HSP90AA1: variants seen among roughly 807,000 people sequenced by gnomAD.
HSP90AA1 encodes the protein heat shock protein 90 alpha family class A member 1.
In HSP90AA1, 18 loss-of-function variants were observed where a neutral mutation model predicts 73.3. The observed-to-expected ratio is 0.25, with a 90% CI of 0.17 to 0.36. HSP90AA1 has a LOEUF of 0.36. HSP90AA1 is among the 10% of genes least tolerant of loss of function. HSP90AA1 has a pLI of 1.00. For missense variants in HSP90AA1, 704 were observed against 874.2 expected, an observed-to-expected ratio of 0.81 and a Z score of 2.45; for synonymous variants, 477 against 296.9, an observed-to-expected ratio of 1.61 and a Z score of -6.24.
At chr14:102,088,698 A>T (rs2049306988), upstream of HSP90AA1, among the ~76,000 whole-genome samples, 1 of 152,018 alleles carries the variant, frequency 6.6e-6, no homozygotes, top group South Asian at 2.1e-4. Context: ...CGGAAGCAGG[A>T]AGAGCGGTGA....
chr14:102,089,287 C>T (rs970932918), upstream of HSP90AA1, among the ~76,000 whole-genome samples: 4 of 152,198 alleles, frequency 2.6e-5, no homozygotes, highest in Non-Finnish European at 5.9e-5. Context: ...AGTGAACCTG[C>T]TCCAAAGCCC....
At chr14:102,084,118 G>T in intron 6 of HSP90AA1, 135 bp from the exon 7 acceptor site, 1 of 799,582 alleles carries the variant, frequency 1.3e-6, no homozygotes, top group East Asian at 2.7e-5. Flanking sequence ...TGCCCAGGCT[G>T]GAGGGCAGTG....
intron 1 of HSP90AA1, among the ~76,000 whole-genome samples, chr14:102,130,142 T>C (rs2049890646): frequency 6.6e-6 from 1 of 152,006 alleles, no homozygotes; most frequent in Non-Finnish European, 1.5e-5. Flanking sequence ...GGCTAATTTT[T>C]GTATTTTTAG....
At chr14:102,082,956 G>T in intron 9 of HSP90AA1, 78 bp downstream of exon 9, 1 of 1,411,472 alleles carries the variant, frequency 7.1e-7, no homozygotes, top group Non-Finnish European at 1.0e-6. Context: ...TTGAAAACAT[G>T]CGAAAATGGG....
intron 1 of HSP90AA1, chr14:102,139,242 C>G (rs778266195): frequency 8.7e-6 from 14 of 1,613,990 alleles, no homozygotes; most frequent in African/African-American, 1.3e-5. Context: ...TCTTGAGTCC[C>G]TTGGTACCTT....
intron 2 of HSP90AA1, among the ~76,000 whole-genome samples, chr14:102,100,050 T>C (rs2049473682): frequency 6.6e-6 from 1 of 151,890 alleles, no homozygotes; most frequent in Non-Finnish European, 1.5e-5. Context: ...AGCCAGGCAG[T>C]GGTGGCATGC....
Position 102,081,566 on chromosome 14 carries a change from G to T in HSP90AA1, c.*146C>A. 3.0e-6 allele frequency: 2 copies of T among 660,948 alleles called. No individual in the cohort carries two copies. Among genetic ancestry groups the T allele is most frequent in the Non-Finnish European group, 5.5e-6 (2 of 364,756 alleles). The allele number at this position is 660,948 out of a possible 1,614,324, so 40.9% of individuals were successfully genotyped here. A position where few individuals can be genotyped will look rare whatever the true frequency, so the allele number is the denominator to read the frequency against. ...TAAGGTATCACAGCATCACTTAGTA[G>T]ACAGAAATCTTATCTTCCCCTTAAA... On this transcript the variant is annotated 3_prime_UTR_variant, in exon 11 of 11. Coordinates refer to ENST00000216281, the MANE Select transcript of HSP90AA1 (RefSeq NM_005348.4).
rs1484952511 is a variant in HSP90AA1, at chr14:102,083,263, TC to T, written c.1525del (p.Glu509AsnfsTer8). On this transcript the variant is annotated frameshift_variant, in exon 9 of 11. Transcript: ENST00000216281. LOFTEE classifies it high-confidence loss of function. ...TTCTAAGCCATGTTTCCGAAGACGT[TC>T]CACAAAGGCTGAGTTAGCTACCTGG... ...KDQVANSAFV[E>X]RLRKHGLEVI... The T allele has an allele frequency of 6.2e-7, 1 of 1,614,042 alleles. No homozygotes were observed. The highest frequency in any genetic ancestry group is 8.5e-7 in the Non-Finnish European group (1 of 1,180,004).
intron 1 of HSP90AA1, among the ~76,000 whole-genome samples, chr14:102,104,624 G>A (rs2049538771): frequency 1.3e-5 from 2 of 152,198 alleles, no homozygotes; most frequent in Admixed American, 1.3e-4. Flanking sequence ...TTCCTGTCTT[G>A]TAACTATTTT....
intron 1 of HSP90AA1, among the ~76,000 whole-genome samples, chr14:102,126,291 CT>C: frequency 6.6e-6 from 1 of 152,080 alleles, no homozygotes; most frequent in East Asian, 1.9e-4. Context: ...GTTACCATAG[CT>C]CAGTAAGGGG....
intron 4 of HSP90AA1, 93 bp from the exon 5 acceptor site, chr14:102,085,091 A>C: frequency 6.3e-7 from 1 of 1,599,120 alleles, no homozygotes; most frequent in Non-Finnish European, 8.5e-7. Flanking sequence ...CCCAAGTCTA[A>C]ATTAGCCAAC....
intron 1 of HSP90AA1, among the ~76,000 whole-genome samples, chr14:102,135,651 T>G (rs909054102): frequency 2.0e-5 from 3 of 152,252 alleles, no homozygotes; most frequent in Non-Finnish European, 4.4e-5. Flanking sequence ...CCCGGAGCCC[T>G]GCCCCGCGGG....
intron 6 of HSP90AA1, 163 bp downstream of exon 6, chr14:102,084,236 G>A (rs774693927): frequency 4.2e-6 from 3 of 708,626 alleles, no homozygotes; most frequent in African/African-American, 3.6e-5. Flanking sequence ...AGTAGAGATG[G>A]GGTTTCACCA....
chr14:102,132,342 G>A (rs2049917827), intron 1 of HSP90AA1, among the ~76,000 whole-genome samples: 1 of 151,896 alleles, frequency 6.6e-6, no homozygotes, highest in South Asian at 2.1e-4. Flanking sequence ...ATTCCAGCCT[G>A]GCAAAAGAGC....
intron 9 of HSP90AA1, 24 bp from the exon 10 acceptor site, chr14:102,082,468 G>A (rs371874745): frequency 4.8e-4 from 750 of 1,569,742 alleles, no homozygotes; most frequent in Non-Finnish European, 6.2e-4. Context: ...GTGATGACTA[G>A]GAACCTAGAA....
rs1450283815 is a variant in HSP90AA1, at chr14:102,084,042, TA to T, written c.1148-60del. The stretch of plus-strand genomic sequence containing the variant: ...TTCCAAGGACAAAACTGGTACTATG[TA>T]AACTCCCAAAATCAAAGATAACCTG... On this transcript the variant is annotated intron_variant, in intron 6 of 10. Coordinates refer to ENST00000216281, the MANE Select transcript of HSP90AA1 (RefSeq NM_005348.4). The T allele has an allele frequency of 3.8e-5, 47 of 1,249,168 alleles. No individual in the cohort carries two copies. The Admixed American group carries it at 8.3e-4, about 22-fold the overall frequency. 77.4% of individuals were successfully genotyped at this position (1,249,168 alleles called of 1,614,324 possible). A position where few individuals can be genotyped will look rare whatever the true frequency, so the allele number is the denominator to read the frequency against.
chr14:102,082,936 C>G lies in HSP90AA1; in HGVS notation c.1755+98G>C, dbSNP rs971891564. 8 of 1,280,684 alleles carry G rather than the reference C, an allele frequency of 6.2e-6. No homozygotes were observed. The African/African-American group carries it at 1.2e-4, about 19-fold the overall frequency. The allele number at this position is 1,280,684 out of a possible 1,614,324, so 79.3% of individuals were successfully genotyped here. On this transcript the variant is annotated intron_variant, in intron 9 of 10. Transcript: ENST00000216281. ...GCCCAGCCACACACAACATAGTTTT[C>G]TGTTTTAAGTTGAAAACATGCGAAA...
In HSP90AA1 at chr14:102,101,100, C is replaced by T. The variant is rs147673076; in HGVS notation, c.366+775G>A. On this transcript the variant is annotated intron_variant, in intron 2 of 11. Coordinates refer to the HSP90AA1 transcript ENST00000334701. ...AGGTCAGTCACCAACTGTCCATCTC[C>T]TCCCAGCATTCAAAATTTGGTTCAC... 2.2e-3 allele frequency among the ~76,000 whole-genome samples: 339 copies of T among 152,306 alleles called. 2 individuals are homozygous for T. The highest frequency in any genetic ancestry group is 5.2e-3 in the South Asian group (25 of 4,828).
At chr14:102,102,451 A>G (rs1762203321) in intron 1 of HSP90AA1, among the ~76,000 whole-genome samples, 2 of 152,302 alleles carry the variant, frequency 1.3e-5, no homozygotes, top group African/African-American at 4.8e-5. Flanking sequence ...TAATGACTCA[A>G]CCAACTGCAG....
Sources: gnomAD v4.1 joint callset for allele counts (sites outside exome capture counted in the v4.1 genomes callset) on GRCh38, gnomAD v4.1.1 for gene constraint, MANE v1.5 for transcripts, NCBI Gene and HGNC (gene_info 2026-07-23, HGNC 2026-07-21) for gene names.